Variants in FOXP1 observed in about 807,000 individuals in gnomAD.
FOXP1 encodes the protein forkhead box P1.
Under a neutral mutation model 98.2 loss-of-function variants are expected in FOXP1, and 15 were observed. The observed-to-expected ratio is 0.15, with a 90% confidence interval of 0.10 to 0.24. FOXP1 has a LOEUF of 0.24. Among genes scored for constraint, FOXP1 ranks in the 10% least tolerant of loss-of-function variants. The pLI, the probability that FOXP1 is intolerant of heterozygous loss-of-function variation, is 1.00. For synonymous variants in FOXP1, 371 were observed against 314.5 expected (o/e 1.18, Z -1.90); for missense variants, 633 against 848.5 (o/e 0.75, Z 3.15).
intron 2 of FOXP1, among the ~76,000 whole-genome samples, chr3:71,540,189 A>G (rs1396326397): frequency 6.6e-6 from 1 of 152,240 alleles, no homozygotes; most frequent in Non-Finnish European, 1.5e-5. Flanking sequence ...CAGGTGACAA[A>G]TCCCCTTTAG....
intron 6 of FOXP1, among the ~76,000 whole-genome samples, chr3:71,167,155 T>C (rs944975078): frequency 1.9e-4 from 29 of 152,010 alleles, no homozygotes; most frequent in African/African-American, 2.4e-5. Flanking sequence ...GATGTTATTA[T>C]GTGGAACTGA....
intron 3 of FOXP1, among the ~76,000 whole-genome samples, chr3:71,472,349 C>G (rs1308161977): frequency 1.3e-5 from 2 of 151,990 alleles, no homozygotes; most frequent in Non-Finnish European, 2.9e-5. Flanking sequence ...TCGACACAAA[C>G]CATACAAAAA....
chr3:70,992,153 A>T (rs2040700462), intron 13 of FOXP1, among the ~76,000 whole-genome samples: 1 of 152,338 alleles, frequency 6.6e-6, no homozygotes, highest in Middle Eastern at 3.4e-3. Context: ...TCCAACAGTG[A>T]GGCTTGGAAG....
In FOXP1 at chr3:70,977,640, T is replaced by C; in HGVS notation, c.1428+3A>G. ...AATTTCATATACTGTGTTATTTACT[T>C]ACCTGCCTAATTAAAGATGCATATG... On this transcript the variant is annotated splice_donor_region_variant and intron_variant, in intron 16 of 20. Transcript: ENST00000649528. 6.2e-7 allele frequency: 1 copy of C among 1,607,738 alleles called. No individual in the cohort carries two copies. Among genetic ancestry groups the C allele is most frequent in the South Asian group, 1.1e-5 (1 of 90,930 alleles).
chr3:71,039,744 G>T (rs2048084534), intron 11 of FOXP1, among the ~76,000 whole-genome samples: 1 of 147,166 alleles, frequency 6.8e-6, no homozygotes, highest in Admixed American at 6.8e-5. Context: ...GCTCTCTAAG[G>T]TTTTCTTTCT....
chr3:71,017,446 A>T (rs765791524), intron 11 of FOXP1, among the ~76,000 whole-genome samples: 3 of 151,844 alleles, frequency 2.0e-5, no homozygotes, highest in Non-Finnish European at 4.4e-5. Flanking sequence ...TTAAGATTTA[A>T]CTATTCTTAT....
chr3:71,568,065 G>C (rs180931866), intron 2 of FOXP1: 7 of 128,916 alleles, frequency 5.4e-5, no homozygotes, highest in Middle Eastern at 3.5e-3. Flanking sequence ...AGGGGAAGAG[G>C]GGGGGAGGAG....
At chr3:71,388,458 C>T (rs1047804527) in intron 3 of FOXP1, among the ~76,000 whole-genome samples, 1 of 152,204 alleles carries the variant, frequency 6.6e-6, no homozygotes, top group East Asian at 1.9e-4. Flanking sequence ...CCCGAACATG[C>T]ATTACTTCAT....
intron 3 of FOXP1, among the ~76,000 whole-genome samples, chr3:71,429,055 G>A (rs554150470): frequency 1.1e-4 from 17 of 152,286 alleles, no homozygotes; most frequent in East Asian, 3.9e-4. Flanking sequence ...TATTACAGCC[G>A]GCAAGCACGA....
chr3:71,305,752 C>T (rs1375505496), intron 4 of FOXP1: 1 of 152,440 alleles, frequency 6.6e-6, no homozygotes, highest in Non-Finnish European at 1.5e-5. Context: ...TTCAATGCAG[C>T]CAGAAGCTGA....
chr3:71,543,184 C>T (rs910177490), intron 2 of FOXP1, among the ~76,000 whole-genome samples: 2 of 152,200 alleles, frequency 1.3e-5, no homozygotes, highest in Non-Finnish European at 2.9e-5. Flanking sequence ...TTATTGAAAA[C>T]TGGCAGTCGC....
At chr3:71,329,341 C>T (rs1322816656) in intron 4 of FOXP1, among the ~76,000 whole-genome samples, 1 of 152,036 alleles carries the variant, frequency 6.6e-6, no homozygotes, top group East Asian at 1.9e-4. Context: ...CCTGCCTCAG[C>T]CTTCCGAGTA....
At chr3:71,565,053 C>T (rs2046806964) in intron 2 of FOXP1, among the ~76,000 whole-genome samples, 2 of 152,100 alleles carry the variant, frequency 1.3e-5, no homozygotes, top group African/African-American at 4.8e-5. Context: ...GAGCCGAGAT[C>T]GCACCACTGC....
At chr3:71,409,194 G>A (rs1397223272) in intron 3 of FOXP1, among the ~76,000 whole-genome samples, 1 of 152,034 alleles carries the variant, frequency 6.6e-6, no homozygotes, top group Admixed American at 6.6e-5. Flanking sequence ...ATGTTCCTAA[G>A]TAAAAACAGC....
chr3:71,391,804 T>C (rs1331262990), intron 3 of FOXP1, among the ~76,000 whole-genome samples: 4 of 152,218 alleles, frequency 2.6e-5, no homozygotes, highest in African/African-American at 4.8e-5. Context: ...AATCTATATC[T>C]GTGAGAACAG....
At chr3:71,341,879 A>C (rs2077030346) in intron 4 of FOXP1, among the ~76,000 whole-genome samples, 1 of 152,182 alleles carries the variant, frequency 6.6e-6, no homozygotes, top group South Asian at 2.1e-4. Flanking sequence ...TATTATCTGG[A>C]ATGTTTCAAA....
intron 3 of FOXP1, among the ~76,000 whole-genome samples, chr3:71,422,867 C>A (rs573435391): frequency 4.3e-4 from 66 of 152,014 alleles, no homozygotes; most frequent in Middle Eastern, 3.4e-3. Context: ...CACACACAAG[C>A]GCGCACACAC....
chr3:71,519,494 T>C (rs953595757), intron 2 of FOXP1, among the ~76,000 whole-genome samples: 2 of 152,152 alleles, frequency 1.3e-5, no homozygotes, highest in Non-Finnish European at 2.9e-5. Context: ...CTGATAAGTA[T>C]ATTAGGATTC....
At chr3:71,440,563 A>T (rs1479785544) in intron 3 of FOXP1, among the ~76,000 whole-genome samples, 7 of 152,148 alleles carry the variant, frequency 4.6e-5, no homozygotes, top group Non-Finnish European at 1.0e-4. Context: ...CTGTAGTCCC[A>T]GCTACTTGGG....
Sources: allele counts gnomAD v4.1 joint callset (sites outside exome capture counted in the v4.1 genomes callset), GRCh38; gene constraint gnomAD v4.1.1; transcripts MANE v1.5; gene names NCBI Gene and HGNC (gene_info 2026-07-23, HGNC 2026-07-21).